The following FRMD6 variants were observed in gnomAD, a reference collection of about 807,000 sequenced individuals.
The protein encoded by FRMD6 is FERM domain-containing protein 6.
Under a neutral mutation model 73.2 loss-of-function variants are expected in FRMD6, and 37 were observed. The observed-to-expected ratio is 0.51, with a 90% CI of 0.39 to 0.66. FRMD6 has a LOEUF of 0.66. Ranked by LOEUF, FRMD6 falls within the 30% of genes least tolerant of loss-of-function variation. The pLI, the probability that FRMD6 is intolerant of heterozygous loss-of-function variation, is 0.00. For missense variants in FRMD6, 714 were observed against 780.5 expected (o/e 0.91, Z 1.02); for synonymous variants, 273 against 282.2 (o/e 0.97, Z 0.33).
At chr14:51,692,441 CTCACTT>C (rs1341448834) in intron 2 of FRMD6, among the ~76,000 whole-genome samples, 2 of 150,786 alleles carry the variant, frequency 1.3e-5, no homozygotes, top group South Asian at 2.1e-4. Context: ...AGAAACTTCT[CTCACTT>C]TCATTTGTCT....
chr14:51,675,358 T>A (rs1433577192), intron 1 of FRMD6, among the ~76,000 whole-genome samples: 2 of 152,116 alleles, frequency 1.3e-5, no homozygotes, highest in African/African-American at 2.4e-5. Context: ...GGCTAAAGAT[T>A]TGATGACTCC....
At chr14:51,509,171 C>A (rs991326774) in intron 1 of FRMD6, among the ~76,000 whole-genome samples, 1 of 152,184 alleles carries the variant, frequency 6.6e-6, no homozygotes, top group South Asian at 2.1e-4. Context: ...TTAATTTTGT[C>A]CCCACTTGGT....
At chr14:51,714,621 A>G (rs1242321798) in intron 9 of FRMD6, 1 of 152,208 alleles carries the variant, frequency 6.6e-6, no homozygotes, top group African/African-American at 2.4e-5. Context: ...ATGTCTACTG[A>G]TAGCTGTTCT....
At chr14:51,528,425 T>C (rs1885384598) in intron 1 of FRMD6, among the ~76,000 whole-genome samples, 1 of 152,198 alleles carries the variant, frequency 6.6e-6, no homozygotes, top group Non-Finnish European at 1.5e-5. Context: ...TTCCTGCTTT[T>C]TGGGCTCCCA....
the FRMD6 span, among the ~76,000 whole-genome samples, chr14:51,413,215 T>G: frequency 6.6e-6 from 1 of 152,206 alleles, no homozygotes; most frequent in Admixed American, 6.5e-5. Context: ...AACGTGCAGG[T>G]TTGTTACATA....
chr14:51,428,489 G>A, the FRMD6 span, among the ~76,000 whole-genome samples: 1 of 152,188 alleles, frequency 6.6e-6, no homozygotes, highest in Non-Finnish European at 1.5e-5. Context: ...GTCTTCAGAT[G>A]AAGAGGAACT....
intron 1 of FRMD6, among the ~76,000 whole-genome samples, chr14:51,540,927 A>G (rs1886169508): frequency 6.6e-6 from 1 of 152,126 alleles, no homozygotes; most frequent in South Asian, 2.1e-4. Context: ...AAAGCACAAT[A>G]CTCAAATCCA....
chr14:51,477,268 A>G, the FRMD6 span, among the ~76,000 whole-genome samples: 1 of 152,198 alleles, frequency 6.6e-6, no homozygotes, highest in Non-Finnish European at 1.5e-5. Context: ...AGACTTCTCA[A>G]CCCTGAAGGC....
Position 51,722,086 on chromosome 14 carries a change from C to T in FRMD6, c.1492+6C>T. ...GAAGCTGAATGGACACTCTGGTGAG[C>T]TCTTACGGGAAGTTATTCTTCCTTG... On this transcript the variant is annotated splice_donor_region_variant and intron_variant, in intron 12 of 13. Transcript: ENST00000344768. 6.2e-7 allele frequency: 1 copy of T among 1,613,754 alleles called. No homozygotes were observed. The highest frequency in any genetic ancestry group is 2.2e-5 in the East Asian group (1 of 44,878).
At chr14:51,524,116 C>T (rs1885098431) in intron 1 of FRMD6, among the ~76,000 whole-genome samples, 2 of 152,112 alleles carry the variant, frequency 1.3e-5, no homozygotes, top group Non-Finnish European at 2.9e-5. Flanking sequence ...AAAATATACA[C>T]ATAGATGCAT....
rs140599609 is a variant in FRMD6, at chr14:51,533,393, A to C, written c.-209-36955A>C. On this transcript the variant is annotated intron_variant, in intron 1 of 14. Transcript: ENST00000356218. ...AGCTGGATAAAACAGGTTCCACATT[A>C]CACTTGTATGAGTTGTCCTGAATGG... Among the ~76,000 whole-genome samples the C allele has an allele frequency of 2.0e-5, 3 of 152,302 alleles. No homozygotes were observed. The East Asian group carries it at 5.8e-4, about 29-fold the overall frequency.
chr14:51,703,112 A>G lies in FRMD6; in HGVS notation c.371+524A>G, dbSNP rs539387427. ...TAGCCTTAAAACCAAGATTAAGCCC[A>G]GTGAAGCTATCCTATCAGAATCTTA... On this transcript the variant is annotated intron_variant, in intron 5 of 13. Coordinates refer to ENST00000344768, the MANE Select transcript of FRMD6 (RefSeq NM_001267046.2). Among the ~76,000 whole-genome samples the G allele has an allele frequency of 2.7e-4, 41 of 152,196 alleles. 1 individual carries two copies. The highest frequency in any genetic ancestry group is 8.9e-4 in the African/African-American group (37 of 41,564).
chr14:51,550,580 A>AG (rs1555374769), intron 1 of FRMD6, among the ~76,000 whole-genome samples: 2 of 148,008 alleles, frequency 1.4e-5, no homozygotes, highest in Non-Finnish European at 3.0e-5. Context: ...TTGGGAGGAG[A>AG]CCCCCCCGCC....
At chr14:51,509,455 A>G (rs1312224059) in intron 1 of FRMD6, among the ~76,000 whole-genome samples, 2 of 151,820 alleles carry the variant, frequency 1.3e-5, no homozygotes, top group African/African-American at 2.4e-5. Flanking sequence ...TGAACCCAGG[A>G]GGCGGAGCTT....
At chr14:51,417,441 G>T in the FRMD6 span, among the ~76,000 whole-genome samples, 1,968 of 152,264 alleles carry the variant, frequency 0.013, 41 homozygotes, top group African/African-American at 0.045. Flanking sequence ...GCAGTTCTGG[G>T]TTGAAAATTC....
At chr14:51,504,036 T>A (rs55663762) in intron 1 of FRMD6, among the ~76,000 whole-genome samples, 8,073 of 152,264 alleles carry the variant, frequency 0.053, 381 homozygotes, top group African/African-American at 0.12. Flanking sequence ...TTATAGTATC[T>A]TCTAGTGGTT....
chr14:51,518,650 C>T (rs1884775958), intron 1 of FRMD6, among the ~76,000 whole-genome samples: 1 of 152,108 alleles, frequency 6.6e-6, no homozygotes. Flanking sequence ...AAGTATTTTC[C>T]TTGTGACCTT....
chr14:51,704,159 A>G (rs1166017017), intron 5 of FRMD6, among the ~76,000 whole-genome samples: 2 of 152,156 alleles, frequency 1.3e-5, no homozygotes, highest in Middle Eastern at 3.2e-3. Context: ...AAAAGATTTA[A>G]GGAAAGCATT....
intron 2 of FRMD6, among the ~76,000 whole-genome samples, chr14:51,611,728 T>C (rs1890513140): frequency 6.6e-6 from 1 of 152,168 alleles, no homozygotes; most frequent in South Asian, 2.1e-4. Context: ...GCACTAGAGA[T>C]CTAAGGTCCT....
Sources: gnomAD v4.1 joint callset for allele counts (sites outside exome capture counted in the v4.1 genomes callset) on GRCh38, gnomAD v4.1.1 for gene constraint, MANE v1.5 for transcripts, NCBI Gene and HGNC (gene_info 2026-07-23, HGNC 2026-07-21) for gene names.